Variants in NKAIN3 observed in about 807,000 individuals in gnomAD.
The protein encoded by NKAIN3 is sodium/potassium transporting ATPase interacting 3.
Under a neutral mutation model 30.2 loss-of-function variants are expected in NKAIN3, and 25 were observed. The ratio of observed to expected loss-of-function variants is 0.83; its 90% confidence interval spans 0.60 to 1.16. NKAIN3 has a LOEUF of 1.16. Ranked by LOEUF, NKAIN3 falls within the 50% of genes most tolerant of loss-of-function variation. NKAIN3 has a pLI of 0.00. For missense variants in NKAIN3, 225 were observed against 254.1 expected (o/e 0.89, Z 0.78); for synonymous variants, 91 against 89.6 (o/e 1.02, Z -0.09).
chr8:62,781,054 T>C (rs952237537), intron 4 of NKAIN3, among the ~76,000 whole-genome samples: 3 of 151,924 alleles, frequency 2.0e-5, no homozygotes, highest in African/African-American at 7.2e-5. Context: ...CACCAAAAAC[T>C]CTTAGAACTT....
chr8:62,780,555 G>A (rs547135287), intron 4 of NKAIN3, among the ~76,000 whole-genome samples: 2 of 152,042 alleles, frequency 1.3e-5, no homozygotes, highest in African/African-American at 4.8e-5. Context: ...CTAGCAAACC[G>A]AATCCAACAG....
intron 3 of NKAIN3, among the ~76,000 whole-genome samples, chr8:62,734,894 A>T (rs1344754309): frequency 6.6e-6 from 1 of 152,202 alleles, no homozygotes; most frequent in Admixed American, 6.5e-5. Flanking sequence ...TTCTTCACTG[A>T]TAATTGTTTT....
chr8:62,294,241 A>T (rs1033803423), intron 1 of NKAIN3, among the ~76,000 whole-genome samples: 1 of 152,152 alleles, frequency 6.6e-6, no homozygotes, highest in Non-Finnish European at 1.5e-5. Flanking sequence ...GACAAGCCCC[A>T]GTGAGATGAA....
chr8:62,273,121 G>A (rs531823309), intron 1 of NKAIN3, among the ~76,000 whole-genome samples: 58 of 152,208 alleles, frequency 3.8e-4, no homozygotes, highest in African/African-American at 1.3e-3. Context: ...GGATATATTC[G>A]GCTCTTGGGC....
At chr8:62,320,561 G>C (rs995043528) in intron 1 of NKAIN3, among the ~76,000 whole-genome samples, 1 of 152,036 alleles carries the variant, frequency 6.6e-6, no homozygotes, top group East Asian at 1.9e-4. Flanking sequence ...TTGCTTTTCT[G>C]TAAAGGATTT....
At chr8:62,852,328 A>G (rs1819934180) in intron 4 of NKAIN3, among the ~76,000 whole-genome samples, 4 of 151,988 alleles carry the variant, frequency 2.6e-5, no homozygotes, top group Admixed American at 2.0e-4. Flanking sequence ...TATTGCATCT[A>G]TTTGATTCTT....
chr8:62,866,570 C>A (rs1392110503), intron 4 of NKAIN3, among the ~76,000 whole-genome samples: 1 of 152,044 alleles, frequency 6.6e-6, no homozygotes, highest in African/African-American at 2.4e-5. Flanking sequence ...GTATATTTAG[C>A]CTGTTTTAGA....
chr8:62,988,496 CCCACAAGCTCAACA>C (rs1343081783), downstream of NKAIN3, among the ~76,000 whole-genome samples: 3 of 152,254 alleles, frequency 2.0e-5, no homozygotes, highest in Admixed American at 6.5e-5. Flanking sequence ...CTTCTATGCA[CCCACAAGCTCAACA>C]CCACATGGAA....
intron 3 of NKAIN3, among the ~76,000 whole-genome samples, chr8:62,678,136 T>G (rs1813536728): frequency 6.6e-6 from 1 of 152,184 alleles, no homozygotes; most frequent in African/African-American, 2.4e-5. Flanking sequence ...TTTGCAGATG[T>G]AATAAAGGTT....
intron 4 of NKAIN3, chr8:62,856,696 C>A: frequency 1.3e-6 from 1 of 745,350 alleles, no homozygotes; most frequent in Non-Finnish European, 2.4e-6. Context: ...CCCATCAGGT[C>A]TTGGAAACGT....
intron 1 of NKAIN3, among the ~76,000 whole-genome samples, chr8:62,393,140 A>C (rs1414478704): frequency 6.6e-6 from 1 of 152,094 alleles, no homozygotes; most frequent in East Asian, 1.9e-4. Context: ...TAAAGAACTA[A>C]AGTGTTTACA....
At chr8:62,277,510 A>G (rs780669779) in intron 1 of NKAIN3, among the ~76,000 whole-genome samples, 1 of 152,118 alleles carries the variant, frequency 6.6e-6, no homozygotes, top group Non-Finnish European at 1.5e-5. Context: ...TCTCATGCGT[A>G]AGAAAGGTGA....
At chr8:62,951,926 A>G (rs1426095942) in intron 5 of NKAIN3, among the ~76,000 whole-genome samples, 1 of 152,102 alleles carries the variant, frequency 6.6e-6, no homozygotes. Context: ...TCAGCCTCCG[A>G]GTAGCTGGGA....
intron 1 of NKAIN3, among the ~76,000 whole-genome samples, chr8:62,528,868 G>A (rs1460154154): frequency 6.6e-6 from 1 of 152,076 alleles, no homozygotes; most frequent in African/African-American, 2.4e-5. Context: ...AATATATTGA[G>A]TGCCTACACT....
At chr8:62,547,670 C>A (rs570226395) in intron 1 of NKAIN3, among the ~76,000 whole-genome samples, 31 of 152,300 alleles carry the variant, frequency 2.0e-4, no homozygotes, top group African/African-American at 6.7e-4. Context: ...ATGGTCTTAA[C>A]ATGATAGATT....
At chr8:62,360,018 C>A (rs1295252729) in intron 1 of NKAIN3, among the ~76,000 whole-genome samples, 1 of 152,188 alleles carries the variant, frequency 6.6e-6, no homozygotes, top group Non-Finnish European at 1.5e-5. Flanking sequence ...CTACTCAGGG[C>A]TGTCCACATC....
intron 4 of NKAIN3, among the ~76,000 whole-genome samples, chr8:62,907,558 T>A (rs967106607): frequency 6.6e-6 from 1 of 152,092 alleles, no homozygotes; most frequent in East Asian, 1.9e-4. Flanking sequence ...GAAAAAATGG[T>A]TTCATGGGCT....
At chr8:62,578,573 C>A (rs1810193139) in intron 1 of NKAIN3, among the ~76,000 whole-genome samples, 1 of 151,964 alleles carries the variant, frequency 6.6e-6, no homozygotes, top group Non-Finnish European at 1.5e-5. Flanking sequence ...CACTGGCAAT[C>A]TTAGGAAAGG....
intron 1 of NKAIN3, among the ~76,000 whole-genome samples, chr8:62,546,909 A>C (rs117411571): frequency 6.6e-6 from 1 of 152,172 alleles, no homozygotes; most frequent in South Asian, 2.1e-4. Flanking sequence ...CCAAGGTAGC[A>C]TATGGTTTTA....
Sources: gnomAD v4.1 joint callset for allele counts (sites outside exome capture counted in the v4.1 genomes callset) on GRCh38, gnomAD v4.1.1 for gene constraint, MANE v1.5 for transcripts, NCBI Gene and HGNC (gene_info 2026-07-23, HGNC 2026-07-21) for gene names.